The following PGS1 variants were observed in gnomAD, a reference collection of about 807,000 sequenced individuals.
PGS1 encodes the protein phosphatidylglycerophosphate synthase 1.
Under a neutral mutation model 58.3 loss-of-function variants are expected in PGS1, and 44 were observed. That is an observed-to-expected ratio of 0.75 (90% CI 0.59 to 0.97). The LOEUF is 0.97. Among genes scored for constraint, PGS1 ranks in the 50% least tolerant of loss-of-function variants. The pLI is 0.00. For missense variants in PGS1, 684 were observed against 731.1 expected (o/e 0.94, Z 0.74); for synonymous variants, 330 against 311.0 (o/e 1.06, Z -0.64).
At chr17:78,421,635 T>C (rs2085753789) in intron 9 of PGS1, 1 of 152,294 alleles carries the variant, frequency 6.6e-6, no homozygotes, top group Non-Finnish European at 1.5e-5. Flanking sequence ...GCCAAAGGAA[T>C]GTGCAGGGGC....
intron 2 of PGS1, among the ~76,000 whole-genome samples, chr17:78,393,633 A>C (rs1387061200): frequency 6.6e-6 from 1 of 152,154 alleles, no homozygotes; most frequent in African/African-American, 2.4e-5. Flanking sequence ...AGGCCTTTCA[A>C]AGTAACTGGG....
rs1482691798 is a variant in PGS1, at chr17:78,378,722, C to A, written c.57C>A (p.Gly19=). ...AGPVFWRRLL[G]LLPGRPGLAA... is the part of the protein sequence containing the mutation. ...CCGTGTTCTGGAGGCGACTGCTGGG[C>A]CTCCTGCCTGGCCGCCCAGGGCTGG... The change falls in exon 1 of 10, where the codon GGC becomes GGA. Residue 19 remains glycine, a synonymous_variant. Coordinates refer to ENST00000262764, the MANE Select transcript of PGS1 (RefSeq NM_024419.5). 6.6e-7 allele frequency: 1 copy of A among 1,517,412 alleles called. No homozygotes were observed. The highest frequency in any genetic ancestry group is 1.2e-5 in the South Asian group (1 of 81,900). The allele number at this position is 1,517,412 out of a possible 1,614,324, so 94.0% of individuals were successfully genotyped here.
intron 1 of PGS1, chr17:78,380,846 C>A (rs558454892): frequency 6.6e-5 from 10 of 151,490 alleles, no homozygotes; most frequent in African/African-American, 2.4e-4. Context: ...TTTTCTTTTT[C>A]TTTTTCTTTT....
intron 9 of PGS1, chr17:78,423,775 C>G: frequency 8.0e-7 from 1 of 1,255,080 alleles, no homozygotes; most frequent in Non-Finnish European, 1.1e-6. Flanking sequence ...TGCTTGGTTA[C>G]AAAGCACCTG....
At chr17:78,390,691 T>C (rs1014713930) in intron 1 of PGS1, among the ~76,000 whole-genome samples, 2 of 152,184 alleles carry the variant, frequency 1.3e-5, no homozygotes, top group Non-Finnish European at 2.9e-5. Flanking sequence ...GGATTCATAG[T>C]AGGTCAGGTC....
chr17:78,388,993 A>G (rs2082606053), intron 1 of PGS1, among the ~76,000 whole-genome samples: 1 of 102,392 alleles, frequency 9.8e-6, no homozygotes, highest in South Asian at 2.8e-4. Context: ...GGTTAAGTTG[A>G]ACAAGTTGAA....
At position 78,424,304 on chromosome 17, in the gene PGS1, A is replaced by G; in HGVS notation, c.*254A>G. 1.1e-6 allele frequency: 1 copy of G among 928,098 alleles called. No homozygotes were observed. Among genetic ancestry groups the G allele is most frequent in the Non-Finnish European group, 1.6e-6 (1 of 638,814 alleles). 57.5% of individuals were successfully genotyped at this position (928,098 alleles called of 1,614,324 possible). On this transcript the variant is annotated 3_prime_UTR_variant, in exon 10 of 10. Coordinates refer to ENST00000262764, the MANE Select transcript of PGS1 (RefSeq NM_024419.5). ...GGCCAGCTGCCACGGCTGGAAGCAG[A>G]GGCCTTCGTAGGTGATGGCCTGCAT...
rs1351226792 is a variant in PGS1, at chr17:78,396,338, G to A, written c.364G>A (p.Val122Met). 5.0e-6 allele frequency: 8 copies of A among 1,613,816 alleles called. No homozygotes were observed. Among genetic ancestry groups the A allele is most frequent in the Admixed American group, 3.3e-5 (2 of 59,994 alleles). ...GATAAGAGTAGCCAAGAGGCGGGTC[G>A]TGATGGCATCCCTCTACCTGGGGAC... ...GQIRVAKRRV[V>M]MASLYLGTGP... Residue 122 changes from valine (V) to methionine (M), a missense_variant, in exon 3 of 10, where the codon GTG becomes ATG. Transcript: ENST00000262764.
intron 7 of PGS1, among the ~76,000 whole-genome samples, chr17:78,414,023 T>C (rs973307306): frequency 3.9e-5 from 6 of 152,230 alleles, no homozygotes; most frequent in African/African-American, 1.4e-4. Flanking sequence ...TGACAGAAAC[T>C]TACAGGGCCC....
Position 78,398,285 on chromosome 17 carries a change from C to T in PGS1, c.445C>T (p.Leu149Phe), listed in dbSNP as rs1231738500. ...CCTGGAAAGTACTCTAGAAAAGTCA[C>T]TCCAAGCAAAGTTTCCTTCAAATCT... ...DCLESTLEKS[L>F]QAKFPSNLKV... The change falls in exon 4 of 10, where the codon CTC becomes TTC. Residue 149 changes from leucine to phenylalanine, a missense_variant. Coordinates refer to ENST00000262764, the MANE Select transcript of PGS1 (RefSeq NM_024419.5). 3 of 1,613,880 alleles carry T rather than the reference C, an allele frequency of 1.9e-6. No individual in the cohort carries two copies. The highest frequency in any genetic ancestry group is 1.3e-5 in the African/African-American group (1 of 74,908).
intron 6 of PGS1, among the ~76,000 whole-genome samples, chr17:78,401,761 A>T (rs1321581846): frequency 6.6e-6 from 1 of 152,110 alleles, no homozygotes; most frequent in Non-Finnish European, 1.5e-5. Flanking sequence ...TTGTATTTTG[A>T]ATTTCATCTG....
At chr17:78,402,283 C>T (rs550104576) in intron 6 of PGS1, among the ~76,000 whole-genome samples, 37 of 152,320 alleles carry the variant, frequency 2.4e-4, no homozygotes, top group Admixed American at 2.2e-3. Flanking sequence ...TGTTTCACTT[C>T]CCTGATCAGC....
intron 1 of PGS1, among the ~76,000 whole-genome samples, chr17:78,391,098 C>T (rs2082792123): frequency 6.6e-6 from 1 of 152,046 alleles, no homozygotes; most frequent in African/African-American, 2.4e-5. Flanking sequence ...CTGCATCATG[C>T]CCGGCTAATT....
At chr17:78,399,789 C>T (rs912156904) in intron 5 of PGS1, 2 of 544,302 alleles carry the variant, frequency 3.7e-6, no homozygotes, top group Non-Finnish European at 6.6e-6. Flanking sequence ...TGTCTGTTTC[C>T]ACCCTCAGTG....
intron 2 of PGS1, among the ~76,000 whole-genome samples, chr17:78,395,469 G>A (rs547336325): frequency 6.6e-6 from 1 of 152,234 alleles, no homozygotes; most frequent in East Asian, 1.9e-4. Flanking sequence ...TCATAGGGAA[G>A]CAGGTAGATG....
chr17:78,398,519 A>G (rs982066570), intron 4 of PGS1, among the ~76,000 whole-genome samples, 168 bp downstream of exon 4: 1 of 152,204 alleles, frequency 6.6e-6, no homozygotes, highest in African/African-American at 2.4e-5. Context: ...TTTCTTCAGC[A>G]AGTGACTGAA....
intron 1 of PGS1, 152 bp downstream of exon 1, chr17:78,378,960 A>C: frequency 1.2e-6 from 1 of 844,160 alleles, no homozygotes. Context: ...TCGGCGCCTG[A>C]CCTATGTGCT....
At chr17:78,415,051 C>T (rs1383270339) in intron 8 of PGS1, 24 bp downstream of exon 8, 2 of 1,594,688 alleles carry the variant, frequency 1.3e-6, no homozygotes, top group Non-Finnish European at 1.7e-6. Flanking sequence ...AGTGGGATTT[C>T]CCAGGGCGCT....
chr17:78,404,184 G>A, intron 7 of PGS1, 95 bp downstream of exon 7: 1 of 1,330,082 alleles, frequency 7.5e-7, no homozygotes, highest in Non-Finnish European at 1.0e-6. Context: ...TTAGAGTGCT[G>A]TACTTCTCCC....
Sources: allele counts gnomAD v4.1 joint callset (sites outside exome capture counted in the v4.1 genomes callset), GRCh38; gene constraint gnomAD v4.1.1; transcripts MANE v1.5; gene names NCBI Gene and HGNC (gene_info 2026-07-23, HGNC 2026-07-21).